CTXND2: variants seen among roughly 807,000 people sequenced by gnomAD.
CTXND2 encodes cortexin domain containing 2.
At chr1:150,893,360 T>C (rs587671622) in intron 1 of CTXND2, among the ~76,000 whole-genome samples, 8 of 152,350 alleles carry the variant, frequency 5.3e-5, no homozygotes, top group Non-Finnish European at 1.0e-4. Flanking sequence ...TCCAGAATTA[T>C]GTTACATAAA....
chr1:150,900,092 C>G (rs778050646), intron 1 of CTXND2, among the ~76,000 whole-genome samples: 2 of 152,138 alleles, frequency 1.3e-5, no homozygotes, highest in African/African-American at 4.8e-5. Context: ...AGCAGCAACC[C>G]GTTCGGGTCC....
chr1:150,902,026 G>C (rs1463264670), intron 1 of CTXND2, among the ~76,000 whole-genome samples: 1 of 152,150 alleles, frequency 6.6e-6, no homozygotes, highest in Non-Finnish European at 1.5e-5. Flanking sequence ...AGGACTTTGG[G>C]AGGCCGAGGC....
chr1:150,892,330 G>T (rs1260942592), intron 1 of CTXND2, among the ~76,000 whole-genome samples: 1 of 151,802 alleles, frequency 6.6e-6, no homozygotes, highest in Non-Finnish European at 1.5e-5. Context: ...TGCTTTTCCT[G>T]TGACCAACAA....
intron 1 of CTXND2, among the ~76,000 whole-genome samples, chr1:150,909,429 C>A (rs1571606777): frequency 6.6e-6 from 1 of 151,870 alleles, no homozygotes; most frequent in Non-Finnish European, 1.5e-5. Context: ...TGATGACGTG[C>A]ACCTGTAGTC....
intron 1 of CTXND2, among the ~76,000 whole-genome samples, chr1:150,911,441 A>AT (rs773402445): frequency 0.016 from 2,230 of 139,926 alleles, 47 homozygotes; most frequent in Admixed American, 0.051. Context: ...ATGTAAATTT[A>AT]TTTTTTTTTT....
At chr1:150,903,401 C>T (rs1669077554) in intron 1 of CTXND2, among the ~76,000 whole-genome samples, 1 of 152,062 alleles carries the variant, frequency 6.6e-6, no homozygotes, top group South Asian at 2.1e-4. Flanking sequence ...GTGTTCCTGT[C>T]TGTCTTAACC....
intron 1 of CTXND2, among the ~76,000 whole-genome samples, chr1:150,908,329 T>C (rs912060855): frequency 2.0e-5 from 3 of 152,130 alleles, no homozygotes; most frequent in African/African-American, 7.2e-5. Flanking sequence ...TTTCATAATT[T>C]TAGGAACTTC....
In CTXND2 at chr1:150,892,879, G is replaced by A. The variant is rs183112760; in HGVS notation, c.-74+5566G>A. 3.8e-3 allele frequency among the ~76,000 whole-genome samples: 580 copies of A among 152,018 alleles called. 5 individuals are homozygous for A. The highest frequency in any genetic ancestry group is 7.6e-3 in the Admixed American group (115 of 15,228). On this transcript the variant is annotated intron_variant, in intron 1 of 1. Coordinates refer to ENST00000636087, the Ensembl canonical transcript of CTXND2. ...CTTGAGCCTTTGAGTTCCTTCATACGTTTAAGAAAATTGATTTGTCAGTTT... is the reference window on the plus strand; with the variant it reads ...CTTGAGCCTTTGAGTTCCTTCATACATTTAAGAAAATTGATTTGTCAGTTT...
intron 1 of CTXND2, among the ~76,000 whole-genome samples, chr1:150,904,379 A>G (rs376560126): frequency 6.6e-6 from 1 of 152,206 alleles, no homozygotes; most frequent in South Asian, 2.1e-4. Context: ...TGGTTAAATG[A>G]ATATGTTCAG....
intron 1 of CTXND2, among the ~76,000 whole-genome samples, chr1:150,894,892 G>A (rs1043379110): frequency 4.6e-5 from 7 of 151,962 alleles, no homozygotes; most frequent in African/African-American, 7.3e-5. Flanking sequence ...AAAATTAGCC[G>A]GATGTGGTGG....
At chr1:150,890,270 T>C (rs1446155041) in intron 1 of CTXND2, among the ~76,000 whole-genome samples, 2 of 152,130 alleles carry the variant, frequency 1.3e-5, no homozygotes, top group Non-Finnish European at 2.9e-5. Flanking sequence ...GGAAAAGATA[T>C]GTGTTGCCTT....
chr1:150,902,207 C>T (rs981837259), intron 1 of CTXND2, among the ~76,000 whole-genome samples: 1 of 152,084 alleles, frequency 6.6e-6, no homozygotes, highest in Non-Finnish European at 1.5e-5. Context: ...TGAGACCATC[C>T]TGGATAACAC....
intron 1 of CTXND2, chr1:150,903,841 T>A: frequency 4.0e-6 from 2 of 505,356 alleles, no homozygotes; most frequent in Non-Finnish European, 7.6e-6. Flanking sequence ...GAGTGGGATG[T>A]CCGGCTTCAG....
At chr1:150,912,376 T>C (rs1669269742) in exon 2 of CTXND2, 1 of 398,466 alleles carries the variant, frequency 2.5e-6, no homozygotes, top group Admixed American at 4.4e-5. Flanking sequence ...ATTGCCTTTG[T>C]TGTTCTTCTG....
intron 1 of CTXND2, among the ~76,000 whole-genome samples, chr1:150,899,777 T>C (rs995495375): frequency 2.0e-5 from 3 of 152,132 alleles, no homozygotes; most frequent in South Asian, 2.1e-4. Context: ...ACCTACATGA[T>C]GAAACCTGTC....
chr1:150,905,346 GT>G (rs2102601993), intron 1 of CTXND2, among the ~76,000 whole-genome samples: 1 of 151,264 alleles, frequency 6.6e-6, no homozygotes, highest in South Asian at 2.1e-4. Context: ...GTTTCACCAT[GT>G]TGGCCAGGCT....
intron 1 of CTXND2, among the ~76,000 whole-genome samples, chr1:150,910,961 C>T (rs958408238): frequency 2.6e-5 from 4 of 152,056 alleles, no homozygotes; most frequent in East Asian, 3.9e-4. Context: ...CCCACCACCA[C>T]GCCCAGCTAA....
intron 1 of CTXND2, among the ~76,000 whole-genome samples, chr1:150,911,505 G>A (rs758803056): frequency 3.3e-5 from 5 of 151,064 alleles, no homozygotes; most frequent in Admixed American, 6.6e-5. Flanking sequence ...ACTCGGTCTC[G>A]GCTTACTGCA....
At chr1:150,898,204 T>C (rs1202976419) in intron 1 of CTXND2, among the ~76,000 whole-genome samples, 1 of 151,904 alleles carries the variant, frequency 6.6e-6, no homozygotes, top group Non-Finnish European at 1.5e-5. Flanking sequence ...TCTCTCATGA[T>C]GTGCTTTTTA....
Sources: gnomAD v4.1 joint callset for allele counts (sites outside exome capture counted in the v4.1 genomes callset) on GRCh38, gnomAD v4.1.1 for gene constraint, MANE v1.5 for transcripts, NCBI Gene and HGNC (gene_info 2026-07-23, HGNC 2026-07-21) for gene names.